Variants in GPC5 observed in about 807,000 individuals in gnomAD.
GPC5 encodes the protein glypican-5.
In GPC5, 47 loss-of-function variants were observed where a neutral mutation model predicts 53.9. The observed-to-expected ratio is 0.87, with a 90% confidence interval of 0.69 to 1.11. The LOEUF (loss-of-function observed/expected upper bound fraction) is 1.11. Ranked by LOEUF, GPC5 falls within the 50% of genes most tolerant of loss-of-function variation. The probability of loss-of-function intolerance (pLI) is 0.00; values close to 1 mark genes in which losing one functional copy is unlikely to be tolerated. For missense variants in GPC5, 748 were observed against 713.1 expected (o/e 1.05, Z -0.56); for synonymous variants, 286 against 263.3 (o/e 1.09, Z -0.84).
chr13:92,388,675 T>C (rs1284170553), intron 7 of GPC5, among the ~76,000 whole-genome samples: 1 of 152,076 alleles, frequency 6.6e-6, no homozygotes, highest in Admixed American at 6.6e-5. Flanking sequence ...TTAGGTGATT[T>C]GTGGGAGTCT....
intron 6 of GPC5, among the ~76,000 whole-genome samples, chr13:91,973,836 C>A (rs1263951864): frequency 6.6e-6 from 1 of 152,170 alleles, no homozygotes; most frequent in South Asian, 2.1e-4. Flanking sequence ...CCTGATCATT[C>A]CTCTGGAAGT....
intron 7 of GPC5, among the ~76,000 whole-genome samples, chr13:92,662,766 T>C (rs1299412269): frequency 6.6e-6 from 1 of 152,186 alleles, no homozygotes; most frequent in Non-Finnish European, 1.5e-5. Flanking sequence ...ATAGTAGCTC[T>C]AAAGTTTAGT....
chr13:92,470,061 T>A (rs1878849631), intron 7 of GPC5, among the ~76,000 whole-genome samples: 1 of 152,166 alleles, frequency 6.6e-6, no homozygotes, highest in South Asian at 2.1e-4. Context: ...ACTTTTGTGC[T>A]CATAACAATT....
intron 7 of GPC5, among the ~76,000 whole-genome samples, chr13:92,661,499 A>G (rs1886342175): frequency 6.6e-6 from 1 of 152,180 alleles, no homozygotes; most frequent in Admixed American, 6.5e-5. Flanking sequence ...TATATATTTT[A>G]TGGCCTATTT....
chr13:91,751,078 T>C (rs2037166144), intron 4 of GPC5, among the ~76,000 whole-genome samples: 1 of 152,198 alleles, frequency 6.6e-6, no homozygotes, highest in Non-Finnish European at 1.5e-5. Context: ...CTACTATTTA[T>C]CAGTGCAACT....
chr13:92,490,906 CA>C (rs1879735132), intron 7 of GPC5, among the ~76,000 whole-genome samples: 1 of 151,970 alleles, frequency 6.6e-6, no homozygotes, highest in African/African-American at 2.4e-5. Context: ...TTGTACTTAT[CA>C]TGAAAGAAGC....
At position 92,358,890 on chromosome 13, in the gene GPC5, A is replaced by G. The variant is rs2043544092; in HGVS notation, c.1561+213901A>G. On this transcript the variant is annotated intron_variant, in intron 7 of 7. Transcript: ENST00000377067. ...GGAGTAGCTACTGAGAAGGTCTTTG[A>G]AATGATTTCAAGGCATTTTTTTTTC... 8.6e-5 allele frequency among the ~76,000 whole-genome samples: 13 copies of G among 151,764 alleles called. No homozygotes were observed. In the South Asian group the frequency reaches 2.7e-3, roughly 31 times the overall value.
intron 7 of GPC5, among the ~76,000 whole-genome samples, chr13:92,227,980 A>G (rs1022048776): frequency 1.3e-5 from 2 of 152,142 alleles, no homozygotes; most frequent in African/African-American, 4.8e-5. Context: ...AAACTAAGCT[A>G]GAGAAAATAT....
intron 4 of GPC5, among the ~76,000 whole-genome samples, chr13:91,752,963 G>T (rs1017744581): frequency 1.3e-5 from 2 of 152,170 alleles, no homozygotes; most frequent in Non-Finnish European, 2.9e-5. Flanking sequence ...CATTCTGTTT[G>T]ATTTCTCTAT....
intron 7 of GPC5, among the ~76,000 whole-genome samples, chr13:92,237,993 C>T (rs377460636): frequency 2.0e-5 from 3 of 151,828 alleles, no homozygotes; most frequent in South Asian, 2.1e-4. Flanking sequence ...TCATCCATGC[C>T]GTACATTCTC....
At chr13:92,071,635 T>C (rs887760142) in intron 6 of GPC5, among the ~76,000 whole-genome samples, 5 of 152,096 alleles carry the variant, frequency 3.3e-5, no homozygotes, top group African/African-American at 1.2e-4. Context: ...CCCTACTTTA[T>C]TGTCATTCCA....
At chr13:92,007,440 T>C (rs891496889) in intron 6 of GPC5, among the ~76,000 whole-genome samples, 1 of 152,210 alleles carries the variant, frequency 6.6e-6, no homozygotes, top group Admixed American at 6.5e-5. Flanking sequence ...TTTAATGTTT[T>C]TGATGAATTT....
intron 7 of GPC5, among the ~76,000 whole-genome samples, chr13:92,293,400 C>T (rs1158332528): frequency 7.0e-6 from 1 of 142,246 alleles, no homozygotes; most frequent in African/African-American, 2.6e-5. Context: ...TAGGTATACT[C>T]CTAAGGTTGG....
chr13:91,465,911 G>T (rs1432793133), intron 2 of GPC5, among the ~76,000 whole-genome samples: 2 of 152,118 alleles, frequency 1.3e-5, no homozygotes, highest in South Asian at 2.1e-4. Context: ...TTCATCTAAA[G>T]ATTCTTCCCA....
At chr13:91,516,503 A>G (rs1594196114) in intron 2 of GPC5, among the ~76,000 whole-genome samples, 1 of 151,874 alleles carries the variant, frequency 6.6e-6, no homozygotes, top group South Asian at 2.1e-4. Context: ...GGACAGCCCC[A>G]CTCCTGTGGC....
chr13:91,556,017 A>G lies in GPC5; in HGVS notation c.325+107095A>G, dbSNP rs139401007. On this transcript the variant is annotated intron_variant, in intron 2 of 7. Transcript: ENST00000377067. ...CCAGCTCATTGGAACACCAAGGTGT[A>G]GAATGTTTCCATCACCATGAGGATC... is the stretch of plus-strand genomic sequence containing the variant. Among the ~76,000 whole-genome samples the G allele has an allele frequency of 5.7e-4, 87 of 152,166 alleles. 1 individual carries two copies. The highest frequency in any genetic ancestry group is 2.0e-3 in the African/African-American group (83 of 41,548).
At chr13:92,198,330 GAGAT>G (rs1415725650) in intron 7 of GPC5, among the ~76,000 whole-genome samples, 2 of 152,244 alleles carry the variant, frequency 1.3e-5, no homozygotes, top group Admixed American at 6.5e-5. Context: ...CTGTTACTAA[GAGAT>G]GTCCAATAAA....
Position 92,866,460 on chromosome 13 carries a change from A to G in GPC5, c.*21A>G. 6.4e-7 allele frequency: 1 copy of G among 1,560,514 alleles called. No homozygotes were observed. Among genetic ancestry groups the G allele is most frequent in the East Asian group, 2.3e-5 (1 of 42,932 alleles). Reference sequence around the variant, plus strand: ...GGTAACTGAACTCTTCTGTCCTGACATACCTTACTGAAGTCTCGATTTCTT... The same window carrying G: ...GGTAACTGAACTCTTCTGTCCTGACGTACCTTACTGAAGTCTCGATTTCTT... On this transcript the variant is annotated 3_prime_UTR_variant, in exon 8 of 8. Coordinates refer to ENST00000377067, the MANE Select transcript of GPC5 (RefSeq NM_004466.6).
At chr13:92,526,918 G>A (rs1041361725) in intron 7 of GPC5, among the ~76,000 whole-genome samples, 23 of 151,166 alleles carry the variant, frequency 1.5e-4, no homozygotes, top group Admixed American at 1.0e-3. Flanking sequence ...TGCTTGTGAC[G>A]GAGATGCAAA....
Sources: allele counts gnomAD v4.1 joint callset (sites outside exome capture counted in the v4.1 genomes callset), GRCh38; gene constraint gnomAD v4.1.1; transcripts MANE v1.5; gene names NCBI Gene and HGNC (gene_info 2026-07-23, HGNC 2026-07-21).